PROM1: variants seen among roughly 807,000 people sequenced by gnomAD.
PROM1 encodes the protein prominin-1.
PROM1 carries 105 observed loss-of-function variants against 116.9 expected under a neutral mutation model. The ratio of observed to expected loss-of-function variants is 0.90; its 90% CI spans 0.77 to 1.06. The LOEUF is 1.06. Among genes scored for constraint, PROM1 ranks in the 50% least tolerant of loss-of-function variants. The probability of loss-of-function intolerance (pLI) is 0.00; values close to 1 mark genes in which losing one functional copy is unlikely to be tolerated. For synonymous variants in PROM1, 393 were observed against 387.0 expected, an observed-to-expected ratio of 1.02 and a Z score of -0.18; for missense variants, 1,122 against 1,045.2, an observed-to-expected ratio of 1.07 and a Z score of -1.01.
chr4:16,063,002 A>G (rs1479001453), intron 2 of PROM1, among the ~76,000 whole-genome samples: 1 of 152,220 alleles, frequency 6.6e-6, no homozygotes, highest in Non-Finnish European at 1.5e-5. Context: ...ATAAATCTAG[A>G]CAGTGATCAT....
intron 15 of PROM1, among the ~76,000 whole-genome samples, chr4:15,994,477 A>C (rs1251268226): frequency 6.6e-6 from 1 of 152,180 alleles, no homozygotes; most frequent in Non-Finnish European, 1.5e-5. Context: ...TCCTGCCAAG[A>C]ACATTTCTCC....
At chr4:16,011,485 C>G (rs889988383) in intron 11 of PROM1, among the ~76,000 whole-genome samples, 1 of 152,222 alleles carries the variant, frequency 6.6e-6, no homozygotes, top group South Asian at 2.1e-4. Flanking sequence ...GGCACTGGCC[C>G]GGCTCTAGGA....
intron 2 of PROM1, among the ~76,000 whole-genome samples, chr4:16,062,425 TAATA>T (rs1479983449): frequency 6.6e-6 from 1 of 152,116 alleles, no homozygotes; most frequent in East Asian, 1.9e-4. Context: ...TGTTAATGAA[TAATA>T]AATAAATACT....
chr4:16,063,957 C>T (rs7700210), intron 2 of PROM1, among the ~76,000 whole-genome samples: 113,037 of 152,046 alleles, frequency 0.74, 42,134 homozygotes, highest in Non-Finnish European at 0.77. Flanking sequence ...GATGGATAAA[C>T]AGGGACTCAT....
intron 14 of PROM1, among the ~76,000 whole-genome samples, chr4:15,999,849 A>G (rs1723307043): frequency 6.6e-6 from 1 of 151,740 alleles, no homozygotes; most frequent in African/African-American, 2.4e-5. Context: ...AATCTGGAGA[A>G]AAAAAAAACA....
chr4:16,063,000 A>G (rs1399751757), intron 2 of PROM1, among the ~76,000 whole-genome samples: 1 of 152,226 alleles, frequency 6.6e-6, no homozygotes, highest in Non-Finnish European at 1.5e-5. Context: ...GAATAAATCT[A>G]GACAGTGATC....
Position 16,006,560 on chromosome 4 carries a change from T to G in PROM1, c.1432A>C (p.Thr478Pro). 5 of 1,598,582 alleles carry G rather than the reference T, an allele frequency of 3.1e-6. No homozygotes were observed. The highest frequency in any genetic ancestry group is 4.3e-6 in the Non-Finnish European group (5 of 1,173,058). Residue 478 changes from threonine (T) to proline (P), a missense_variant, in exon 13 of 28, where the codon ACC becomes CCC. By Grantham distance (38) the Thr-to-Pro change is conservative. Coordinates refer to ENST00000447510, the MANE Select transcript of PROM1 (RefSeq NM_006017.3). ...CACACCATGAGGAAGACGCCTCCGGTGTTGGAGACACAGCCTCGGGTGGTC... is the reference window on the plus strand; with the variant it reads ...CACACCATGAGGAAGACGCCTCCGGGGTTGGAGACACAGCCTCGGGTGGTC... ...TPTTRGCVSNTGGVFLMVGVG... is the reference protein window; with the variant it reads ...TPTTRGCVSNPGGVFLMVGVG...
At chr4:15,991,934 CAAAAAAAAAAAA>C (rs56221717) in intron 17 of PROM1, among the ~76,000 whole-genome samples, 5 of 55,322 alleles carry the variant, frequency 9.0e-5, no homozygotes, top group African/African-American at 3.8e-4. Context: ...GACTCCGTCT[CAAAAAAAAAAAA>C]AAAAAAAAAA....
At chr4:16,072,786 A>G (rs1317910600) in intron 2 of PROM1, among the ~76,000 whole-genome samples, 1 of 152,208 alleles carries the variant, frequency 6.6e-6, no homozygotes, top group East Asian at 1.9e-4. Flanking sequence ...AAAGCCTAAA[A>G]TCAGTGCTTG....
chr4:15,997,242 T>C (rs1331153303), intron 15 of PROM1, among the ~76,000 whole-genome samples: 1 of 149,856 alleles, frequency 6.7e-6, no homozygotes, highest in Non-Finnish European at 1.5e-5. Context: ...ATGAAATGCA[T>C]TTCGTTCATA....
chr4:15,979,935 A>T (rs775432329), intron 24 of PROM1, 31 bp from the exon 25 acceptor site: 110 of 1,271,642 alleles, frequency 8.7e-5, no homozygotes, highest in Non-Finnish European at 1.1e-4. Context: ...AGATAAAATT[A>T]ATTTTTTTAA....
chr4:15,989,777 A>T lies in PROM1; in HGVS notation c.2031T>A (p.Ile677=). Residue 677 remains isoleucine (I), a synonymous_variant, in exon 19 of 28, where the codon ATT becomes ATA. Coordinates refer to ENST00000447510, the MANE Select transcript of PROM1 (RefSeq NM_006017.3). ...RNSLKRDAQT[I]KTIHQQRVLP... ...GGACTCGTTGCTGGTGAATTGTTTT[A>T]ATAGTTTGTGCATCTCTTTTCAGGG... The T allele has an allele frequency of 6.2e-7, 1 of 1,610,342 alleles. No individual in the cohort carries two copies. Among genetic ancestry groups the T allele is most frequent in the Non-Finnish European group, 8.5e-7 (1 of 1,177,984 alleles).
intron 2 of PROM1, among the ~76,000 whole-genome samples, chr4:16,067,877 G>T (rs902843615): frequency 3.9e-5 from 6 of 152,118 alleles, no homozygotes; most frequent in Non-Finnish European, 8.8e-5. Flanking sequence ...TGACTCAATG[G>T]CTCCACGGTT....
intron 13 of PROM1, among the ~76,000 whole-genome samples, chr4:16,005,981 C>T (rs1354759881): frequency 6.6e-6 from 1 of 152,240 alleles, no homozygotes; most frequent in Non-Finnish European, 1.5e-5. Flanking sequence ...ACAGTCGCTC[C>T]AGTCTTCTGC....
intron 2 of PROM1, among the ~76,000 whole-genome samples, chr4:16,071,621 GCC>G (rs1742847324): frequency 6.6e-6 from 1 of 152,146 alleles, no homozygotes; most frequent in South Asian, 2.1e-4. Context: ...CTCTCCAGGA[GCC>G]TGCACCCAGG....
chr4:15,982,781 C>A (rs751807042), intron 23 of PROM1, among the ~76,000 whole-genome samples: 1 of 152,174 alleles, frequency 6.6e-6, no homozygotes, highest in Non-Finnish European at 1.5e-5. Context: ...CAGGGGCCAC[C>A]AAGCACAGGA....
rs1201874593 is a variant in PROM1 at position 15,994,366 on chromosome 4, T to C, written c.1683-295A>G. ...CTGCTGTGGACCACAAGTTTACAGATTGGGAAGAAATAAATTCTCATTAAA... is the reference window on the plus strand; with the variant it reads ...CTGCTGTGGACCACAAGTTTACAGACTGGGAAGAAATAAATTCTCATTAAA... On this transcript the variant is annotated intron_variant, in intron 15 of 27. Coordinates refer to ENST00000447510, the MANE Select transcript of PROM1 (RefSeq NM_006017.3). 3.9e-5 allele frequency among the ~76,000 whole-genome samples: 6 copies of C among 152,340 alleles called. No homozygotes were observed. In the South Asian group the frequency reaches 6.2e-4, roughly 16 times the overall value.
At chr4:16,042,112 C>T (rs1233077437) in intron 2 of PROM1, among the ~76,000 whole-genome samples, 1 of 152,114 alleles carries the variant, frequency 6.6e-6, no homozygotes, top group Non-Finnish European at 1.5e-5. Flanking sequence ...CCGTGCCTGG[C>T]CAGCATTTTC....
chr4:16,077,948 A>C (rs553974720), intron 1 of PROM1, among the ~76,000 whole-genome samples: 1 of 152,254 alleles, frequency 6.6e-6, no homozygotes, highest in African/African-American at 2.4e-5. Flanking sequence ...TAGGGACCAC[A>C]CCGTTTGAGG....
Sources: gnomAD v4.1 joint callset for allele counts (sites outside exome capture counted in the v4.1 genomes callset) on GRCh38, gnomAD v4.1.1 for gene constraint, MANE v1.5 for transcripts, NCBI Gene and HGNC (gene_info 2026-07-23, HGNC 2026-07-21) for gene names.